Variants in FBXL12 observed in about 807,000 individuals in gnomAD.
FBXL12 encodes the protein F-box and leucine rich repeat protein 12.
In FBXL12, 22 loss-of-function variants were observed where a neutral mutation model predicts 24.9. The observed-to-expected ratio is 0.88, with a 90% CI of 0.63 to 1.26. The LOEUF (loss-of-function observed/expected upper bound fraction) is 1.26. Among genes scored for constraint, FBXL12 ranks in the 50% most tolerant of loss-of-function variants. The pLI, the probability that FBXL12 is intolerant of heterozygous loss-of-function variation, is 0.00. For synonymous variants in FBXL12, 193 were observed against 193.8 expected (o/e 1.00, Z 0.03); for missense variants, 384 against 434.1 (o/e 0.88, Z 1.03).
chr19:9,813,333 T>G, intron 2 of FBXL12: 1 of 1,038,688 alleles, frequency 9.6e-7, no homozygotes, highest in Non-Finnish European at 1.2e-6. Flanking sequence ...TACAAAGGTG[T>G]TTCTTTTCTT....
intron 2 of FBXL12, chr19:9,814,461 GA>G (rs1444122282): frequency 1.3e-5 from 2 of 152,140 alleles, no homozygotes; most frequent in African/African-American, 4.8e-5. Context: ...AGTGAACTGA[GA>G]TCGCACCACT....
At position 9,810,867 on chromosome 19, in the gene FBXL12, G is replaced by T. The variant is rs1414182489; in HGVS notation, c.*29C>A. The T allele has an allele frequency of 6.5e-7, 1 of 1,533,046 alleles. No homozygotes were observed. Among genetic ancestry groups the T allele is most frequent in the Non-Finnish European group, 8.9e-7 (1 of 1,126,718 alleles). 95.0% of individuals were successfully genotyped at this position (1,533,046 alleles called of 1,614,324 possible). A position where few individuals can be genotyped will look rare whatever the true frequency, so the allele number is the denominator to read the frequency against. On this transcript the variant is annotated 3_prime_UTR_variant, in exon 3 of 3. Coordinates refer to ENST00000247977, the MANE Select transcript of FBXL12 (RefSeq NM_017703.3). ...GGTCTGGGGCTCAATGATGAAAACTGGGATGGGTCCCAAGGGCAGGTGGAG... is the reference window on the plus strand; with the variant it reads ...GGTCTGGGGCTCAATGATGAAAACTTGGATGGGTCCCAAGGGCAGGTGGAG...
In FBXL12 at chr19:9,813,948, T is replaced by C. The variant is rs547620683; in HGVS notation, c.160-2231A>G. ...GCCACTGCACCCGGCCAAAAAGGTG[T>C]TTCTACATCAAACTCTTCCATTCAC... is the stretch of plus-strand genomic sequence containing the variant. On this transcript the variant is annotated intron_variant, in intron 2 of 2. Coordinates refer to ENST00000247977, the MANE Select transcript of FBXL12 (RefSeq NM_017703.3). 1.2e-4 allele frequency among the ~76,000 whole-genome samples: 19 copies of C among 152,136 alleles called. No homozygotes were observed. The South Asian group carries it at 3.7e-3, about 30-fold the overall frequency.
At position 9,811,604 on chromosome 19, in the gene FBXL12, A is replaced by C. The variant is rs2045754588; in HGVS notation, c.273T>G (p.Pro91=). 1 of 1,551,564 alleles carries C rather than the reference A, an allele frequency of 6.4e-7. No homozygotes were observed. The highest frequency in any genetic ancestry group is 8.7e-7 in the Non-Finnish European group (1 of 1,146,870). Residue 91 remains proline (P), a synonymous_variant, in exon 3 of 3, where the codon CCT becomes CCG. Transcript: ENST00000247977. This position sits in a 1 kb window ranked among gnomAD's most constrained non-coding sequence, Gnocchi z 6.0. The part of the protein sequence containing the change: ...FSGSQAPQLS[P]ALLRALGQKC... ...TCTGGCCCAGGGCTCTCAACAGAGC[A>C]GGGGACAACTGGGGGGCCTGGGAGC...
Position 9,819,070 on chromosome 19 carries a change from A to T in FBXL12, c.-257T>A, listed in dbSNP as rs1208232473. 1.3e-5 allele frequency: 7 copies of T among 557,434 alleles called. No homozygotes were observed. The highest frequency in any genetic ancestry group is 2.3e-5 in the Non-Finnish European group (7 of 311,108). 34.5% of individuals were successfully genotyped at this position (557,434 alleles called of 1,614,324 possible). A position where few individuals can be genotyped will look rare whatever the true frequency, so the allele number is the denominator to read the frequency against. ...GAGGCGTGATTTGGCCGCGACTGGG[A>T]ACTAAGACCAAGTCCAGAAGGCGGG... On this transcript the variant is annotated 5_prime_UTR_variant, in exon 1 of 3. Coordinates refer to ENST00000247977, the MANE Select transcript of FBXL12 (RefSeq NM_017703.3).
In FBXL12 at chr19:9,810,886, G is replaced by C. The variant is rs772301137; in HGVS notation, c.*10C>G. ...AAAACTGGGATGGGTCCCAAGGGCA[G>C]GTGGAGTAGTTACATCCACCAGTCC... On this transcript the variant is annotated 3_prime_UTR_variant, in exon 3 of 3. Transcript: ENST00000247977. 1 of 1,567,256 alleles carries C rather than the reference G, an allele frequency of 6.4e-7. No homozygotes were observed. Among genetic ancestry groups the C allele is most frequent in the Admixed American group, 1.7e-5 (1 of 57,876 alleles).
chr19:9,810,909 T>A lies in FBXL12; in HGVS notation c.968A>T (p.Asp323Val), dbSNP rs1381733306. 1.3e-6 allele frequency: 2 copies of A among 1,590,254 alleles called. No homozygotes were observed. The highest frequency in any genetic ancestry group is 2.2e-5 in the South Asian group (2 of 89,672). ...CAGGTGGAGTAGTTACATCCACCAG[T>A]CCATAGACTCTTTGGGGCAAGCCCT... ...IVRACPKESM[D>V]WWM Residue 323 changes from aspartate (D) to valine (V), a missense_variant, in exon 3 of 3, where the codon GAC (aspartate) becomes GTC (valine). Transcript: ENST00000247977.
At chr19:9,818,234 T>C (rs2045924148) in intron 2 of FBXL12, 1 of 436,034 alleles carries the variant, frequency 2.3e-6, no homozygotes, top group Admixed American at 3.9e-5. Flanking sequence ...AACATAGTCA[T>C]AAATTAGCAT....
At chr19:9,812,759 TAA>T (rs35525468) in intron 2 of FBXL12, among the ~76,000 whole-genome samples, 28 of 114,426 alleles carry the variant, frequency 2.4e-4, no homozygotes, top group Admixed American at 4.5e-4. Flanking sequence ...AGGTCTATGT[TAA>T]AAAAAAAAAA....
At chr19:9,816,198 G>A (rs370278272) in intron 2 of FBXL12, among the ~76,000 whole-genome samples, 4 of 152,284 alleles carry the variant, frequency 2.6e-5, no homozygotes, top group Non-Finnish European at 5.9e-5. Flanking sequence ...CTGCCGTGAA[G>A]GTCTCTGACA....
At chr19:9,817,662 C>A (rs1357687431) in intron 2 of FBXL12, among the ~76,000 whole-genome samples, 1 of 152,096 alleles carries the variant, frequency 6.6e-6, no homozygotes. Context: ...CATAGCAAGA[C>A]TCTGTCCTTA....
intron 2 of FBXL12, among the ~76,000 whole-genome samples, chr19:9,815,585 AC>A (rs2045863337): frequency 6.6e-6 from 1 of 151,816 alleles, no homozygotes. Flanking sequence ...CCTGTAGCAA[AC>A]TTTTGCCTGG....
At chr19:9,815,690 T>C (rs1301179788) in intron 2 of FBXL12, among the ~76,000 whole-genome samples, 1 of 151,960 alleles carries the variant, frequency 6.6e-6, no homozygotes, top group African/African-American at 2.4e-5. Flanking sequence ...GTTTCGCTCT[T>C]GTCACCCAGG....
chr19:9,812,012 G>C (rs2045766410), intron 2 of FBXL12, among the ~76,000 whole-genome samples: 1 of 149,832 alleles, frequency 6.7e-6, no homozygotes, highest in Non-Finnish European at 1.5e-5. Context: ...ATGGCTCACT[G>C]CAGCCTGGAC....
intron 2 of FBXL12, among the ~76,000 whole-genome samples, chr19:9,815,443 A>T (rs2045858862): frequency 6.6e-6 from 1 of 152,092 alleles, no homozygotes; most frequent in Admixed American, 6.6e-5. Context: ...ACCATTCTGG[A>T]GTCTGGAGAA....
intron 2 of FBXL12, chr19:9,818,295 G>A (rs1193699089): frequency 3.6e-6 from 2 of 560,376 alleles, no homozygotes; most frequent in Non-Finnish European, 6.4e-6. Context: ...TTCCCTGCGT[G>A]ATCTCAGTGA....
chr19:9,814,829 C>G (rs1305387844), intron 2 of FBXL12, among the ~76,000 whole-genome samples: 6 of 152,078 alleles, frequency 3.9e-5, no homozygotes, highest in African/African-American at 1.4e-4. Flanking sequence ...CCCCAAGATT[C>G]AATTATTTCC....
chr19:9,813,605 A>G (rs947148189), intron 2 of FBXL12, among the ~76,000 whole-genome samples: 2 of 148,780 alleles, frequency 1.3e-5, no homozygotes, highest in Non-Finnish European at 3.0e-5. Flanking sequence ...AGGTTCAAGC[A>G]ATTCTCCTGC....
chr19:9,818,778 C>T lies in FBXL12; in HGVS notation c.36G>A (p.Leu12=). 1 of 1,556,472 alleles carries T rather than the reference C, an allele frequency of 6.4e-7. No homozygotes were observed. Among genetic ancestry groups the T allele is most frequent in the Non-Finnish European group, 8.7e-7 (1 of 1,148,890 alleles). The change falls in exon 1 of 3, where the codon CTG becomes CTA. Residue 12 remains leucine, a synonymous_variant. Transcript: ENST00000247977. ...CCGGGAGGTAAGAGAAGATCTCGAG[C>T]AGGACCGAGTCCGGCAGTTCGACCA... ...ATLVELPDSV[L]LEIFSYLPVR...
Sources: gnomAD v4.1 joint callset for allele counts (sites outside exome capture counted in the v4.1 genomes callset) on GRCh38, gnomAD v4.1.1 for gene constraint, Gnocchi (gnomAD v3.1) non-coding constraint, MANE v1.5 for transcripts, NCBI Gene and HGNC (gene_info 2026-07-23, HGNC 2026-07-21) for gene names.